The following TENM2 variants were observed in gnomAD, a reference collection of about 807,000 sequenced individuals.
TENM2 encodes teneurin transmembrane protein 2, also known as teneurin-2.
A neutral mutation model predicts 245.2 loss-of-function variants in TENM2; 52 were observed. The ratio of observed to expected loss-of-function variants is 0.21; its 90% CI spans 0.17 to 0.27. The LOEUF (loss-of-function observed/expected upper bound fraction) is 0.27. Ranked by LOEUF, TENM2 falls within the 10% of genes least tolerant of loss-of-function variation. TENM2 has a pLI of 1.00. For synonymous variants in TENM2, 1,363 were observed against 1,438.9 expected, an observed-to-expected ratio of 0.95 and a Z score of 1.19; for missense variants, 3,046 against 3,666.8, an observed-to-expected ratio of 0.83 and a Z score of 4.37.
At chr5:167,595,068 T>A (rs1776112626) in intron 2 of TENM2, among the ~76,000 whole-genome samples, 1 of 152,180 alleles carries the variant, frequency 6.6e-6, no homozygotes, top group Non-Finnish European at 1.5e-5. Flanking sequence ...GGGTTCTTCA[T>A]TTGGAGAACA....
At chr5:167,738,421 A>T (rs572462400) in intron 2 of TENM2, among the ~76,000 whole-genome samples, 1 of 152,296 alleles carries the variant, frequency 6.6e-6, no homozygotes, top group Admixed American at 6.5e-5. Flanking sequence ...GTTAAGTCTG[A>T]TTAAGTAATT....
At chr5:167,181,001 G>A in the TENM2 span, among the ~76,000 whole-genome samples, 5 of 151,834 alleles carry the variant, frequency 3.3e-5, no homozygotes, top group African/African-American at 4.8e-5. Flanking sequence ...TGGGACCTAC[G>A]CAGTTCAAAC....
intron 13 of TENM2, among the ~76,000 whole-genome samples, chr5:168,182,328 A>T (rs934962720): frequency 6.6e-6 from 1 of 152,244 alleles, no homozygotes; most frequent in Non-Finnish European, 1.5e-5. Flanking sequence ...CGTGGAGAGC[A>T]GGAAATATCA....
At chr5:167,228,743 C>T in the TENM2 span, among the ~76,000 whole-genome samples, 52 of 150,292 alleles carry the variant, frequency 3.5e-4, no homozygotes, top group Admixed American at 8.0e-4. Flanking sequence ...CTCGCTCTGT[C>T]GCCCAGGCTG....
chr5:167,499,969 A>AGG (rs2038563453), intron 2 of TENM2, among the ~76,000 whole-genome samples: 3 of 47,178 alleles, frequency 6.4e-5, no homozygotes, highest in South Asian at 1.3e-3. Context: ...CGTGTATGTG[A>AGG]GGGTGTGTGT....
At chr5:167,675,170 G>T (rs1027445188) in intron 2 of TENM2, among the ~76,000 whole-genome samples, 1 of 152,118 alleles carries the variant, frequency 6.6e-6, no homozygotes, top group Non-Finnish European at 1.5e-5. Context: ...ATAGTCTAAT[G>T]AAATTGGCAT....
intron 2 of TENM2, among the ~76,000 whole-genome samples, chr5:167,825,137 G>A (rs1028149015): frequency 6.6e-6 from 1 of 152,146 alleles, no homozygotes; most frequent in Admixed American, 6.5e-5. Context: ...TTTGTGTAAT[G>A]GTGGGTGTGT....
chr5:167,265,331 CAAAAAAAAAA>C, the TENM2 span, among the ~76,000 whole-genome samples: 6 of 39,396 alleles, frequency 1.5e-4, no homozygotes, highest in Admixed American at 7.5e-4. Flanking sequence ...GACTCTGTCT[CAAAAAAAAAA>C]AAAAAAAAAA....
At chr5:167,363,353 A>C (rs888259985) in intron 1 of TENM2, among the ~76,000 whole-genome samples, 35 of 152,166 alleles carry the variant, frequency 2.3e-4, no homozygotes, top group African/African-American at 8.2e-4. Flanking sequence ...TCAAATACAA[A>C]TTTTTTAGCC....
chr5:167,746,675 C>CAGAGAGAGAGAGAGAGAGAGAGAGAG (rs57973052), intron 2 of TENM2, among the ~76,000 whole-genome samples: 55 of 117,186 alleles, frequency 4.7e-4, no homozygotes, highest in South Asian at 1.1e-3. Context: ...AAATTACCAA[C>CAGAGAGAGAGAGAGAGAGAGAGAGAG]AGAGAGAGAG....
At chr5:167,949,291 T>C (rs531870711) in intron 3 of TENM2, among the ~76,000 whole-genome samples, 1 of 152,134 alleles carries the variant, frequency 6.6e-6, no homozygotes, top group East Asian at 1.9e-4. Context: ...ATATTTTGGG[T>C]TTGGTTTTGC....
At chr5:168,154,594 A>G (rs1182112129) in intron 12 of TENM2, among the ~76,000 whole-genome samples, 4 of 152,226 alleles carry the variant, frequency 2.6e-5, no homozygotes, top group Non-Finnish European at 5.9e-5. Flanking sequence ...ATTTTTCTGC[A>G]GCCAAGGCTG....
At chr5:167,725,479 C>T (rs1365837309) in intron 2 of TENM2, among the ~76,000 whole-genome samples, 2 of 152,158 alleles carry the variant, frequency 1.3e-5, no homozygotes, top group East Asian at 1.9e-4. Context: ...TGACCACGTG[C>T]TGCCTCTCAT....
the TENM2 span, among the ~76,000 whole-genome samples, chr5:167,227,995 T>C: frequency 6.6e-6 from 1 of 152,038 alleles, no homozygotes. Flanking sequence ...TATAAAGACC[T>C]GTCTTCAAGT....
intron 1 of TENM2, among the ~76,000 whole-genome samples, chr5:167,305,152 G>C (rs954483599): frequency 6.6e-6 from 1 of 152,114 alleles, no homozygotes; most frequent in Non-Finnish European, 1.5e-5. Flanking sequence ...AAGGACACTG[G>C]ATATTGGAAG....
At chr5:167,683,214 A>G (rs1274414834) in intron 2 of TENM2, among the ~76,000 whole-genome samples, 1 of 151,230 alleles carries the variant, frequency 6.6e-6, no homozygotes. Flanking sequence ...TATTGCCTGT[A>G]TCCTCTAATA....
intron 2 of TENM2, among the ~76,000 whole-genome samples, chr5:167,593,881 C>T (rs1344616303): frequency 2.6e-5 from 4 of 152,166 alleles, no homozygotes; most frequent in African/African-American, 9.7e-5. Flanking sequence ...GTACTTCTCC[C>T]TCGCCTCAGT....
intron 2 of TENM2, among the ~76,000 whole-genome samples, chr5:167,441,319 A>G (rs189815385): frequency 5.9e-5 from 9 of 152,348 alleles, no homozygotes; most frequent in African/African-American, 9.6e-5. Flanking sequence ...GAAATTTAGC[A>G]TTAACCACTG....
intron 2 of TENM2, among the ~76,000 whole-genome samples, chr5:167,836,258 G>A (rs2151121502): frequency 6.6e-6 from 1 of 152,242 alleles, no homozygotes; most frequent in African/African-American, 2.4e-5. Flanking sequence ...TTTTTCTCTG[G>A]CCTGTTAACA....
Sources: allele counts gnomAD v4.1 joint callset (sites outside exome capture counted in the v4.1 genomes callset), GRCh38; gene constraint gnomAD v4.1.1; transcripts MANE v1.5; gene names NCBI Gene and HGNC (gene_info 2026-07-23, HGNC 2026-07-21).